Variants in KCNH5 observed in about 807,000 individuals in gnomAD.
The protein encoded by KCNH5 is potassium voltage-gated channel subfamily H member 5, also known as voltage-gated delayed rectifier potassium channel KCNH5.
Under a neutral mutation model 96.1 loss-of-function variants are expected in KCNH5, and 46 were observed. That is an observed-to-expected ratio of 0.48 (90% CI 0.38 to 0.61). The LOEUF is 0.61. KCNH5 is among the 20% of genes least tolerant of loss of function. The pLI, the probability that KCNH5 is intolerant of heterozygous loss-of-function variation, is 0.00. For missense variants in KCNH5, 907 were observed against 1,225.8 expected, an observed-to-expected ratio of 0.74 and a Z score of 3.88; for synonymous variants, 439 against 449.8, an observed-to-expected ratio of 0.98 and a Z score of 0.30.
chr14:62,911,170 G>T (rs989477205), intron 7 of KCNH5, among the ~76,000 whole-genome samples: 2 of 151,906 alleles, frequency 1.3e-5, no homozygotes, highest in Admixed American at 1.3e-4. Flanking sequence ...AAGAATATAT[G>T]AATAAATGAA....
At chr14:62,935,339 A>G (rs1889658630) in intron 7 of KCNH5, among the ~76,000 whole-genome samples, 1 of 152,230 alleles carries the variant, frequency 6.6e-6, no homozygotes, top group Admixed American at 6.5e-5. Context: ...GGAACTAGAA[A>G]GACAAGTTCC....
intron 9 of KCNH5, among the ~76,000 whole-genome samples, chr14:62,798,627 C>G (rs766102752): frequency 2.0e-5 from 3 of 152,146 alleles, no homozygotes; most frequent in Non-Finnish European, 2.9e-5. Flanking sequence ...TGAAAAAAGA[C>G]ATGAACTGCA....
intron 7 of KCNH5, among the ~76,000 whole-genome samples, chr14:62,850,066 T>G (rs182718037): frequency 1.6e-3 from 247 of 152,270 alleles, no homozygotes; most frequent in African/African-American, 5.9e-3. Context: ...CATGCAGAGC[T>G]CTAGTCAACA....
intron 10 of KCNH5, among the ~76,000 whole-genome samples, chr14:62,732,621 C>T (rs1410186238): frequency 6.6e-6 from 1 of 152,180 alleles, no homozygotes; most frequent in African/African-American, 2.4e-5. Context: ...CTACTCCCCA[C>T]CCTTCCCTAC....
chr14:62,888,488 G>A (rs1487756251), intron 7 of KCNH5, among the ~76,000 whole-genome samples: 1 of 152,134 alleles, frequency 6.6e-6, no homozygotes, highest in Non-Finnish European at 1.5e-5. Flanking sequence ...GCAGTGGGCA[G>A]GCATCTGAAA....
chr14:62,984,142 T>G lies in KCNH5; in HGVS notation c.550-2878A>C, dbSNP rs370134726. ...ATGTCATTTGTGCTTCTATAAGCAA[T>G]AAGCCTTTGGTGGAAGGAGGATGAA... On this transcript the variant is annotated intron_variant, in intron 5 of 10. Transcript: ENST00000322893. Among the ~76,000 whole-genome samples the G allele has an allele frequency of 1.2e-4, 18 of 152,320 alleles. 1 individual carries two copies. In the East Asian group the frequency reaches 2.1e-3, roughly 18 times the overall value.
At chr14:62,880,537 A>G (rs1352593337) in intron 7 of KCNH5, among the ~76,000 whole-genome samples, 2 of 152,202 alleles carry the variant, frequency 1.3e-5, no homozygotes, top group African/African-American at 4.8e-5. Context: ...AGCAGCCAGG[A>G]GAGTCCTCGC....
Position 62,700,635 on chromosome 14 carries a change from T to A in KCNH5, c.*6873A>T, listed in dbSNP as rs1472646494. 6.6e-6 allele frequency: 1 copy of A among 152,234 alleles called. No homozygotes were observed. The highest frequency in any genetic ancestry group is 2.4e-5 in the African/African-American group (1 of 41,474). 9.4% of individuals were successfully genotyped at this position (152,234 alleles called of 1,614,324 possible). A position where few individuals can be genotyped will look rare whatever the true frequency, so the allele number is the denominator to read the frequency against. On this transcript the variant is annotated 3_prime_UTR_variant, in exon 11 of 11. Coordinates refer to ENST00000322893, the MANE Select transcript of KCNH5 (RefSeq NM_139318.5). The stretch of plus-strand genomic sequence containing the variant: ...AAGTTGACAGTTCATGGCTGTGACA[T>A]AATATACCAATATTAAATACTTAGG...
chr14:62,906,282 T>C (rs112054799), intron 7 of KCNH5, among the ~76,000 whole-genome samples: 3 of 152,300 alleles, frequency 2.0e-5, no homozygotes, highest in South Asian at 2.1e-4. Flanking sequence ...ATAGTATGTC[T>C]GTGTGTGTAA....
intron 8 of KCNH5, among the ~76,000 whole-genome samples, chr14:62,819,934 G>A (rs1014807513): frequency 2.0e-5 from 3 of 152,158 alleles, no homozygotes; most frequent in Non-Finnish European, 4.4e-5. Flanking sequence ...TATCTGTAGA[G>A]AAGAACATCT....
chr14:62,811,167 G>A (rs375906546), intron 8 of KCNH5, among the ~76,000 whole-genome samples: 2 of 152,208 alleles, frequency 1.3e-5, no homozygotes, highest in African/African-American at 2.4e-5. Context: ...AGGTATCTTA[G>A]CAAATATTCT....
chr14:62,817,184 T>C (rs974757433), intron 8 of KCNH5, among the ~76,000 whole-genome samples: 1 of 139,572 alleles, frequency 7.2e-6, no homozygotes, highest in Non-Finnish European at 1.5e-5. Context: ...TAATATACTA[T>C]ATATTATATA....
intron 4 of KCNH5, among the ~76,000 whole-genome samples, chr14:62,992,918 G>C (rs1890838035): frequency 1.3e-5 from 2 of 151,890 alleles, no homozygotes; most frequent in Non-Finnish European, 2.9e-5. Context: ...GTTTTTCCTA[G>C]ATTTTCTCCT....
chr14:62,870,515 C>A (rs1376573965), intron 7 of KCNH5, among the ~76,000 whole-genome samples: 1 of 152,044 alleles, frequency 6.6e-6, no homozygotes, highest in Non-Finnish European at 1.5e-5. Context: ...GCAGATCACA[C>A]ACATAAAAAT....
At chr14:62,898,699 T>A (rs1888864183) in intron 7 of KCNH5, among the ~76,000 whole-genome samples, 1 of 152,132 alleles carries the variant, frequency 6.6e-6, no homozygotes, top group African/African-American at 2.4e-5. Context: ...CTGGTATTAA[T>A]AGCAGACAAA....
At chr14:62,917,603 TCTGA>T (rs1889300478) in intron 7 of KCNH5, among the ~76,000 whole-genome samples, 1 of 152,198 alleles carries the variant, frequency 6.6e-6, no homozygotes, top group African/African-American at 2.4e-5. Flanking sequence ...TAATACTTGC[TCTGA>T]CTATTTATTA....
At chr14:62,730,204 C>G (rs1033303111) in intron 10 of KCNH5, among the ~76,000 whole-genome samples, 1 of 152,152 alleles carries the variant, frequency 6.6e-6, no homozygotes, top group African/African-American at 2.4e-5. Context: ...CATAGTTACT[C>G]TAGGCACTTC....
Position 62,804,292 on chromosome 14 carries a change from C to A in KCNH5, c.1570-1711G>T, listed in dbSNP as rs1250677831. On this transcript the variant is annotated intron_variant, in intron 8 of 10. Coordinates refer to ENST00000322893, the MANE Select transcript of KCNH5 (RefSeq NM_139318.5). ...TCTTTGAGGAAAGGAATGCCTAACA[C>A]AGCTTTAAAAGTAATTGACGCTGTT... 2.0e-5 allele frequency among the ~76,000 whole-genome samples: 3 copies of A among 152,150 alleles called. No individual in the cohort carries two copies. In the East Asian group the frequency reaches 5.8e-4, roughly 29 times the overall value.
Position 62,985,692 on chromosome 14 carries a change from A to G in KCNH5, c.549+1380T>C, listed in dbSNP as rs192486436. ...CCTCATTTTTTTTCTCCTTAGTCTC[A>G]GGGTAACATCGTCTAGTCACATGAC... On this transcript the variant is annotated intron_variant, in intron 5 of 10. Transcript: ENST00000322893. Among the ~76,000 whole-genome samples, 87 of 152,220 alleles carry G rather than the reference A, an allele frequency of 5.7e-4. 2 individuals are homozygous for G. In the East Asian group the frequency reaches 0.016, roughly 29 times the overall value.
Sources: gnomAD v4.1 joint callset for allele counts (sites outside exome capture counted in the v4.1 genomes callset) on GRCh38, gnomAD v4.1.1 for gene constraint, MANE v1.5 for transcripts, NCBI Gene and HGNC (gene_info 2026-07-23, HGNC 2026-07-21) for gene names.